Variants in ZNG1F observed in about 807,000 individuals in gnomAD.
ZNG1F encodes the protein Zn regulated GTPase metalloprotein activator 1F, also known as zinc-regulated GTPase metalloprotein activator 1F.
At chr9:41,193,468 C>G in the ZNG1F span, among the ~76,000 whole-genome samples, 1 of 116,032 alleles carries the variant, frequency 8.6e-6, no homozygotes, top group Non-Finnish European at 2.1e-5. Flanking sequence ...CAAACTAAAA[C>G]TTTAAAAAAC....
At chr9:41,199,724 C>T in the ZNG1F span, among the ~76,000 whole-genome samples, 8 of 152,018 alleles carry the variant, frequency 5.3e-5, no homozygotes, top group Admixed American at 2.0e-4. Context: ...AGAGGTTCTC[C>T]ATGAGGGACC....
chr9:41,165,009 C>A, the ZNG1F span: 10 of 1,587,574 alleles, frequency 6.3e-6, no homozygotes, highest in Non-Finnish European at 7.7e-6. Flanking sequence ...ACCTAAGTGT[C>A]GTTCTTAATT....
the ZNG1F span, chr9:41,145,289 G>A: frequency 2.5e-6 from 1 of 399,524 alleles, no homozygotes; most frequent in East Asian, 3.9e-5. Context: ...ACCTGATCAA[G>A]GTGAGGTTGT....
chr9:41,186,852 ATTAATATCTT>A, the ZNG1F span, among the ~76,000 whole-genome samples: 1 of 95,148 alleles, frequency 1.1e-5, no homozygotes, highest in East Asian at 3.3e-4. Context: ...GTATTAGGGT[ATTAATATCTT>A]TTAGGTCATA....
the ZNG1F span, chr9:41,164,685 A>ATTAACCAT: frequency 6.2e-6 from 1 of 162,252 alleles, no homozygotes; most frequent in Non-Finnish European, 1.1e-5. Context: ...GGGAAAGTGA[A>ATTAACCAT]TTAACCATCC....
the ZNG1F span, among the ~76,000 whole-genome samples, chr9:41,174,084 C>T: frequency 1.4e-5 from 2 of 145,896 alleles, no homozygotes; most frequent in Non-Finnish European, 3.0e-5. Flanking sequence ...TAGCCAGGTA[C>T]GATGGTGCAC....
At chr9:41,175,555 T>G in the ZNG1F span, among the ~76,000 whole-genome samples, 1 of 125,430 alleles carries the variant, frequency 8.0e-6, no homozygotes, top group Non-Finnish European at 1.7e-5. Flanking sequence ...CTCCAAACAA[T>G]AAGTCATTTA....
chr9:41,193,772 CGCCTGT>C, the ZNG1F span, among the ~76,000 whole-genome samples: 1,296 of 151,502 alleles, frequency 8.6e-3, 2 homozygotes, highest in African/African-American at 0.027. Context: ...TGGTGGCACA[CGCCTGT>C]AGTCCCAGCT....
chr9:41,158,230 C>G, the ZNG1F span: 1 of 66,076 alleles, frequency 1.5e-5, no homozygotes, highest in Non-Finnish European at 3.4e-5. Context: ...AGGAGAATCG[C>G]TTGAACCCAG....
the ZNG1F span, chr9:41,165,128 T>A: frequency 1.3e-6 from 2 of 1,508,700 alleles, no homozygotes; most frequent in African/African-American, 3.1e-5. Flanking sequence ...AAATTTTAAA[T>A]AATATACACG....
chr9:41,155,326 A>T, the ZNG1F span, among the ~76,000 whole-genome samples: 9 of 150,140 alleles, frequency 6.0e-5, no homozygotes, highest in East Asian at 1.8e-3. Flanking sequence ...CACCAGTTAG[A>T]ATGGCGATCA....
the ZNG1F span, chr9:41,196,238 T>C: frequency 2.6e-5 from 1 of 38,968 alleles, no homozygotes; most frequent in Non-Finnish European, 8.3e-5. Context: ...GGTCTCTGCT[T>C]CCAAGATGGT....
chr9:41,137,193 T>C, the ZNG1F span, among the ~76,000 whole-genome samples: 1 of 148,316 alleles, frequency 6.7e-6, no homozygotes, highest in South Asian at 2.1e-4. Context: ...TGTCATTCAG[T>C]TTGAGGAATT....
chr9:41,186,954 AG>A, the ZNG1F span, among the ~76,000 whole-genome samples: 3 of 133,438 alleles, frequency 2.2e-5, no homozygotes, highest in Non-Finnish European at 4.8e-5. Flanking sequence ...TATGAAGTAT[AG>A]TATGGAAGAG....
the ZNG1F span, among the ~76,000 whole-genome samples, chr9:41,144,409 T>A: frequency 8.3e-6 from 1 of 120,260 alleles, no homozygotes; most frequent in Non-Finnish European, 1.8e-5. Context: ...TTACCATAAA[T>A]TCTATCTCCA....
the ZNG1F span, among the ~76,000 whole-genome samples, chr9:41,180,660 A>ATGTG: frequency 3.2e-4 from 29 of 90,746 alleles, no homozygotes; most frequent in East Asian, 8.8e-3. Flanking sequence ...GTGTGTATGA[A>ATGTG]TGTGTGTGTG....
chr9:41,201,932 A>G, the ZNG1F span, among the ~76,000 whole-genome samples: 4 of 150,684 alleles, frequency 2.7e-5, no homozygotes, highest in East Asian at 7.8e-4. Context: ...CTGATAGATT[A>G]AATAAACAGG....
chr9:41,138,200 CTG>C, the ZNG1F span, among the ~76,000 whole-genome samples: 7 of 127,708 alleles, frequency 5.5e-5, 1 homozygote, highest in East Asian at 1.6e-3. Flanking sequence ...GGTGAATTCT[CTG>C]TTTGTCTGAA....
the ZNG1F span, among the ~76,000 whole-genome samples, chr9:41,146,321 A>T: frequency 3.5e-5 from 1 of 28,906 alleles, no homozygotes; most frequent in Non-Finnish European, 8.0e-5. Flanking sequence ...CTTTAGAAAA[A>T]CATTTCAAAA....
Sources: gnomAD v4.1 joint callset for allele counts (sites outside exome capture counted in the v4.1 genomes callset) on GRCh38, gnomAD v4.1.1 for gene constraint, MANE v1.5 for transcripts, NCBI Gene and HGNC (gene_info 2026-07-23, HGNC 2026-07-21) for gene names.